Variants in PDCL3 observed in about 807,000 individuals in gnomAD.
PDCL3 encodes the protein phosducin like 3.
Under a neutral mutation model 26.5 loss-of-function variants are expected in PDCL3, and 22 were observed. That is an observed-to-expected ratio of 0.83 (90% CI 0.59 to 1.19). The LOEUF (loss-of-function observed/expected upper bound fraction) is 1.19. Ranked by LOEUF, PDCL3 falls within the 50% of genes most tolerant of loss-of-function variation. The pLI is 0.00. For synonymous variants in PDCL3, 81 were observed against 104.9 expected, an observed-to-expected ratio of 0.77 and a Z score of 1.39; for missense variants, 246 against 294.1, an observed-to-expected ratio of 0.84 and a Z score of 1.20.
intron 1 of PDCL3, among the ~76,000 whole-genome samples, chr2:100,565,674 T>A (rs561668099): frequency 2.0e-5 from 3 of 152,332 alleles, no homozygotes; most frequent in African/African-American, 7.2e-5. Context: ...ATCTACTCTG[T>A]GGAATGTGGG....
chr2:100,576,240 C>A, intron 5 of PDCL3, 114 bp from the exon 6 acceptor site: 1 of 1,248,796 alleles, frequency 8.0e-7, no homozygotes, highest in Non-Finnish European at 1.1e-6. Flanking sequence ...TTGTGCTGGG[C>A]CAAATTTCGA....
intron 2 of PDCL3, among the ~76,000 whole-genome samples, chr2:100,567,293 C>T (rs926624419): frequency 7.2e-5 from 11 of 152,156 alleles, no homozygotes; most frequent in Admixed American, 1.3e-4. Flanking sequence ...AAGTATCCAG[C>T]GAGTGCTTAC....
Position 100,563,135 on chromosome 2 carries a change from G to C in PDCL3, c.6+62G>C, listed in dbSNP as rs1674981456. On this transcript the variant is annotated intron_variant, in intron 1 of 5. Transcript: ENST00000264254. The stretch of plus-strand genomic sequence containing the variant: ...CCCGTTCCTTTGTCTCGTTAGGCCC[G>C]GGCGGGCAGTGGACGCCCGCCCTGG... 4.0e-5 allele frequency: 62 copies of C among 1,553,524 alleles called. No individual in the cohort carries two copies. The South Asian group carries it at 6.8e-4, about 17-fold the overall frequency.
chr2:100,576,419 C>G lies in PDCL3; in HGVS notation c.643C>G (p.Pro215Ala). 1 of 1,613,926 alleles carries G rather than the reference C, an allele frequency of 6.2e-7. No individual in the cohort carries two copies. The highest frequency in any genetic ancestry group is 8.5e-7 in the Non-Finnish European group (1 of 1,179,864). Residue 215 changes from proline (P) to alanine (A), a missense_variant, in exon 6 of 6, where the codon CCG becomes GCG. Coordinates refer to ENST00000264254, the MANE Select transcript of PDCL3 (RefSeq NM_024065.5). ...MTDLEENPKK[P>A]IEDVLLSSVR... ...AGACCTGGAGGAAAACCCTAAGAAGCCGATTGAAGACGTGTTGCTGTCCTC... is the reference window on the plus strand; with the variant it reads ...AGACCTGGAGGAAAACCCTAAGAAGGCGATTGAAGACGTGTTGCTGTCCTC...
chr2:100,566,777 C>A, intron 2 of PDCL3, 148 bp downstream of exon 2: 1 of 1,159,074 alleles, frequency 8.6e-7, no homozygotes, highest in Non-Finnish European at 1.2e-6. Flanking sequence ...CGTCTCTCAC[C>A]TTCACCTTCC....
chr2:100,565,644 C>G (rs1302658080), intron 1 of PDCL3, among the ~76,000 whole-genome samples: 1 of 152,158 alleles, frequency 6.6e-6, no homozygotes, highest in Non-Finnish European at 1.5e-5. Context: ...AATGTCACCT[C>G]CTCTGTAGGG....
chr2:100,565,076 G>C (rs1336471310), intron 1 of PDCL3, among the ~76,000 whole-genome samples: 2 of 152,180 alleles, frequency 1.3e-5, no homozygotes, highest in Non-Finnish European at 2.9e-5. Context: ...CAGTATGCAT[G>C]CCGCAGGCCG....
chr2:100,563,705 A>G (rs1308238694), intron 1 of PDCL3, among the ~76,000 whole-genome samples: 4 of 151,894 alleles, frequency 2.6e-5, no homozygotes, highest in Non-Finnish European at 5.9e-5. Flanking sequence ...TTAAAGCCTA[A>G]GGAGAATGAA....
chr2:100,573,172 C>T (rs1248724905), intron 5 of PDCL3, among the ~76,000 whole-genome samples: 2 of 151,724 alleles, frequency 1.3e-5, no homozygotes, highest in African/African-American at 2.4e-5. Flanking sequence ...TGTGAGCCAC[C>T]GCGCCCGGCT....
chr2:100,567,927 A>C (rs1394691022), intron 2 of PDCL3, among the ~76,000 whole-genome samples: 2 of 151,632 alleles, frequency 1.3e-5, no homozygotes, highest in African/African-American at 4.8e-5. Context: ...GGTTCAAGCG[A>C]TTCTCCTGCG....
In PDCL3 at chr2:100,566,582, T is replaced by TGGAAGAGGAGGC. The variant is rs773346988; in HGVS notation, c.87_98dup (p.Ala33_Glu36dup). 8.1e-6 allele frequency: 13 copies of TGGAAGAGGAGGC among 1,613,812 alleles called. No homozygotes were observed. The highest frequency in any genetic ancestry group is 1.1e-5 in the Non-Finnish European group (13 of 1,179,920). ...CCCCCCAAGGAAAGTCTGAAAGAAT[T>TGGAAGAGGAGGC]GGAAGAGGAGGCAGAAGAGGAGCAG... On this transcript the variant is annotated inframe_insertion, in exon 2 of 6. Transcript: ENST00000264254.
At chr2:100,566,428 T>C (rs1675060420) in intron 1 of PDCL3, 75 bp from the exon 2 acceptor site, 1 of 1,532,962 alleles carries the variant, frequency 6.5e-7, no homozygotes, top group Non-Finnish European at 8.9e-7. Flanking sequence ...ACTTTTCCCA[T>C]TTGGCCCCTT....
chr2:100,575,328 G>C (rs914682458), intron 5 of PDCL3, among the ~76,000 whole-genome samples: 4 of 152,086 alleles, frequency 2.6e-5, no homozygotes, highest in African/African-American at 2.4e-5. Context: ...GTAGAGACGG[G>C]GTTTCACCGT....
intron 5 of PDCL3, among the ~76,000 whole-genome samples, chr2:100,575,376 C>A (rs1044443333): frequency 1.3e-5 from 2 of 152,270 alleles, no homozygotes; most frequent in African/African-American, 4.8e-5. Flanking sequence ...ACTTCGTGAT[C>A]CGCCCACCTT....
At chr2:100,569,142 AC>A (rs1675117602) in intron 3 of PDCL3, 121 bp downstream of exon 3, 3 of 808,262 alleles carry the variant, frequency 3.7e-6, no homozygotes, top group Non-Finnish European at 6.0e-6. Flanking sequence ...TGTAGTCCCA[AC>A]ACTTTGGGAG....
At chr2:100,564,962 C>T (rs577601325) in intron 1 of PDCL3, among the ~76,000 whole-genome samples, 4 of 152,314 alleles carry the variant, frequency 2.6e-5, no homozygotes, top group East Asian at 3.9e-4. Context: ...TACTCTGAGA[C>T]GTCTCAGCTT....
chr2:100,571,222 T>C (rs970097848), intron 4 of PDCL3, among the ~76,000 whole-genome samples: 2 of 152,040 alleles, frequency 1.3e-5, no homozygotes, highest in African/African-American at 2.4e-5. Flanking sequence ...CTAATTTTTG[T>C]ATTTTTAGTA....
chr2:100,566,778 T>G (rs1675069906), intron 2 of PDCL3, 149 bp downstream of exon 2: 1 of 1,159,002 alleles, frequency 8.6e-7, no homozygotes, highest in African/African-American at 1.5e-5. Flanking sequence ...GTCTCTCACC[T>G]TCACCTTCCT....
At chr2:100,575,224 C>T (rs1185508568) in intron 5 of PDCL3, among the ~76,000 whole-genome samples, 2 of 152,208 alleles carry the variant, frequency 1.3e-5, no homozygotes, top group African/African-American at 2.4e-5. Context: ...CAAGCTCCGC[C>T]TCCCACGTTC....
Sources: allele counts gnomAD v4.1 joint callset (sites outside exome capture counted in the v4.1 genomes callset), GRCh38; gene constraint gnomAD v4.1.1; transcripts MANE v1.5; gene names NCBI Gene and HGNC (gene_info 2026-07-23, HGNC 2026-07-21).